TINAG: variants seen among roughly 807,000 people sequenced by gnomAD.
TINAG encodes the protein tubulointerstitial nephritis antigen.
A neutral mutation model predicts 72.7 loss-of-function variants in TINAG; 83 were observed. That is an observed-to-expected ratio of 1.14 (90% CI 0.96 to 1.37). The LOEUF (loss-of-function observed/expected upper bound fraction) is 1.37. Ranked by LOEUF, TINAG falls within the 40% of genes most tolerant of loss-of-function variation. TINAG has a pLI of 0.00. For missense variants in TINAG, 685 were observed against 576.6 expected (o/e 1.19, Z -1.93); for synonymous variants, 234 against 189.9 (o/e 1.23, Z -1.91).
intron 9 of TINAG, among the ~76,000 whole-genome samples, chr6:54,372,539 T>G (rs1043799278): frequency 6.6e-6 from 1 of 151,906 alleles, no homozygotes; most frequent in Non-Finnish European, 1.5e-5. Flanking sequence ...GGAGAGGACA[T>G]CAGGGCTAAG....
chr6:54,360,900 A>G (rs1437911469), intron 9 of TINAG, among the ~76,000 whole-genome samples: 1 of 110,472 alleles, frequency 9.1e-6, no homozygotes, highest in Non-Finnish European at 1.8e-5. Context: ...GCAACCCTAC[A>G]TGGAGAAAGT....
intron 9 of TINAG, among the ~76,000 whole-genome samples, chr6:54,367,617 C>G (rs184048184): frequency 6.6e-6 from 1 of 151,628 alleles, no homozygotes. Context: ...TAAAGGCGAA[C>G]GTGTTAATTA....
intron 9 of TINAG, among the ~76,000 whole-genome samples, chr6:54,374,055 A>G (rs1183377537): frequency 3.9e-5 from 6 of 152,108 alleles, no homozygotes; most frequent in Non-Finnish European, 8.8e-5. Flanking sequence ...GGTCATTCTG[A>G]CCAGAGTATG....
intron 1 of TINAG, among the ~76,000 whole-genome samples, chr6:54,310,312 C>T (rs777587479): frequency 2.1e-4 from 32 of 151,974 alleles, no homozygotes; most frequent in Non-Finnish European, 3.5e-4. Flanking sequence ...CTTAAAACTC[C>T]TGGCCTCAAG....
chr6:54,351,184 A>G (rs1272646810), intron 7 of TINAG, among the ~76,000 whole-genome samples, 168 bp from the exon 8 acceptor site: 1 of 152,068 alleles, frequency 6.6e-6, no homozygotes, highest in Non-Finnish European at 1.5e-5. Context: ...TCATTAAAAC[A>G]AATGGGTGCA....
At chr6:54,344,711 C>T (rs1037749947) in intron 5 of TINAG, among the ~76,000 whole-genome samples, 4 of 152,096 alleles carry the variant, frequency 2.6e-5, no homozygotes, top group African/African-American at 9.7e-5. Flanking sequence ...CAGGTCTCAA[C>T]CCCACAGATA....
chr6:54,366,661 G>A (rs539033568), intron 9 of TINAG, among the ~76,000 whole-genome samples: 60 of 149,534 alleles, frequency 4.0e-4, no homozygotes, highest in African/African-American at 1.3e-3. Flanking sequence ...GTGTGTAGAT[G>A]GAGATAGGAT....
At chr6:54,363,888 A>G (rs1763321235) in intron 9 of TINAG, among the ~76,000 whole-genome samples, 1 of 151,580 alleles carries the variant, frequency 6.6e-6, no homozygotes, top group Non-Finnish European at 1.5e-5. Context: ...TTCAAAGAGC[A>G]TGCATAGAAA....
chr6:54,345,213 G>A (rs1291435663), intron 5 of TINAG, among the ~76,000 whole-genome samples: 1 of 152,114 alleles, frequency 6.6e-6, no homozygotes, highest in East Asian at 1.9e-4. Flanking sequence ...GTTGAACTGA[G>A]TCATTCTTAA....
chr6:54,342,912 C>A (rs1299994449), intron 4 of TINAG, among the ~76,000 whole-genome samples: 10 of 152,134 alleles, frequency 6.6e-5, no homozygotes, highest in Non-Finnish European at 1.0e-4. Flanking sequence ...ACCATGTGGT[C>A]TTCCTATGGA....
intron 9 of TINAG, among the ~76,000 whole-genome samples, chr6:54,360,855 T>G (rs1582740269): frequency 1.6e-5 from 2 of 123,386 alleles, no homozygotes; most frequent in Admixed American, 7.9e-5. Flanking sequence ...TTTTTTTTTT[T>G]TTTTTTTTTT....
At chr6:54,322,240 G>A (rs1430246074) in intron 3 of TINAG, among the ~76,000 whole-genome samples, 2 of 152,076 alleles carry the variant, frequency 1.3e-5, no homozygotes, top group Non-Finnish European at 1.5e-5. Flanking sequence ...CCTGGGAGGC[G>A]GAGGTTGCAG....
chr6:54,324,414 T>C (rs1404596424), intron 3 of TINAG, among the ~76,000 whole-genome samples: 2 of 152,200 alleles, frequency 1.3e-5, no homozygotes, highest in Non-Finnish European at 2.9e-5. Context: ...TAATGGGGCA[T>C]ACGTGGAAGT....
chr6:54,387,554 G>T (rs1310804243), intron 10 of TINAG, among the ~76,000 whole-genome samples: 3 of 152,230 alleles, frequency 2.0e-5, no homozygotes, highest in Admixed American at 6.5e-5. Flanking sequence ...GAGGGTGGAT[G>T]GACAGGAAGG....
rs542731075 is a variant in TINAG at position 54,382,730 on chromosome 6, T to A, written c.1296+2159T>A. On this transcript the variant is annotated intron_variant, in intron 10 of 10. Transcript: ENST00000259782. The stretch of plus-strand genomic sequence containing the variant: ...CTCCCACACCTTAGTCTTACAGTGA[T>A]GTGATAAGAACCAATAAAATTTGTC... 3.9e-5 allele frequency among the ~76,000 whole-genome samples: 6 copies of A among 152,240 alleles called. No individual in the cohort carries two copies. In the South Asian group the frequency reaches 1.2e-3, roughly 32 times the overall value.
chr6:54,322,526 A>C (rs2150937277), intron 3 of TINAG, among the ~76,000 whole-genome samples: 1 of 152,332 alleles, frequency 6.6e-6, no homozygotes, highest in South Asian at 2.1e-4. Context: ...ATCTATTATC[A>C]AGCAATTAGA....
intron 1 of TINAG, among the ~76,000 whole-genome samples, chr6:54,310,355 G>A (rs1033324382): frequency 1.7e-4 from 26 of 151,798 alleles, no homozygotes; most frequent in Admixed American, 1.7e-3. Flanking sequence ...CAAAGTGCTA[G>A]GATTACAGGA....
chr6:54,335,431 C>T (rs1305680386), intron 4 of TINAG, among the ~76,000 whole-genome samples: 1 of 152,122 alleles, frequency 6.6e-6, no homozygotes, highest in Non-Finnish European at 1.5e-5. Flanking sequence ...AAAAATTCAG[C>T]TGAACCAGTA....
chr6:54,344,874 A>G (rs1437199423), intron 5 of TINAG, among the ~76,000 whole-genome samples: 1 of 152,182 alleles, frequency 6.6e-6, no homozygotes, highest in African/African-American at 2.4e-5. Flanking sequence ...TTAAATAAAG[A>G]AAAAAATAAA....
Sources: allele counts gnomAD v4.1 joint callset (sites outside exome capture counted in the v4.1 genomes callset), GRCh38; gene constraint gnomAD v4.1.1; transcripts MANE v1.5; gene names NCBI Gene and HGNC (gene_info 2026-07-23, HGNC 2026-07-21).